ADSS1: variants seen among roughly 807,000 people sequenced by gnomAD.
ADSS1 encodes adenylosuccinate synthase 1.
A neutral mutation model predicts 59.1 loss-of-function variants in ADSS1; 57 were observed. That is an observed-to-expected ratio of 0.97 (90% confidence interval 0.78 to 1.20). The LOEUF is 1.20. Ranked by LOEUF, ADSS1 falls within the 50% of genes most tolerant of loss-of-function variation. ADSS1 has a pLI of 0.00. For synonymous variants in ADSS1, 247 were observed against 249.4 expected (o/e 0.99, Z 0.09); for missense variants, 603 against 610.3 (o/e 0.99, Z 0.13).
At position 104,738,450 on chromosome 14, in the gene ADSS1, C is replaced by T. The variant is rs1566799053; in HGVS notation, c.358+12C>T. Reference sequence around the variant, plus strand: ...GAATGAAAAGAAAGGTAGGTCCAAGCTCCTGCAGACTTGCCCTGTCCCAGA... The same window carrying T: ...GAATGAAAAGAAAGGTAGGTCCAAGTTCCTGCAGACTTGCCCTGTCCCAGA... On this transcript the variant is annotated intron_variant, in intron 3 of 12. Transcript: ENST00000330877. 3 of 1,613,184 alleles carry T rather than the reference C, an allele frequency of 1.9e-6. No homozygotes were observed. Among genetic ancestry groups the T allele is most frequent in the Non-Finnish European group, 2.5e-6 (3 of 1,179,630 alleles).
chr14:104,724,693 C>T (rs1298902964), intron 1 of ADSS1, among the ~76,000 whole-genome samples: 3 of 152,116 alleles, frequency 2.0e-5, no homozygotes, highest in Admixed American at 1.3e-4. Context: ...TCCACCACCC[C>T]GGCAGCGGGC....
chr14:104,739,966 C>A, intron 5 of ADSS1, 150 bp downstream of exon 5: 2 of 852,576 alleles, frequency 2.3e-6, no homozygotes, highest in Non-Finnish European at 3.7e-6. Flanking sequence ...AATTCCACAG[C>A]GCATCACCCA....
chr14:104,738,353 T>G (rs1292305364), intron 2 of ADSS1, 23 bp from the exon 3 acceptor site: 1 of 1,613,168 alleles, frequency 6.2e-7, no homozygotes, highest in South Asian at 1.1e-5. Flanking sequence ...ACTCTGTCTC[T>G]CATGCCTCTG....
Position 104,741,968 on chromosome 14 carries a change from T to C in ADSS1, c.914T>C (p.Val305Ala), listed in dbSNP as rs1364950072. 1 of 1,613,150 alleles carries C rather than the reference T, an allele frequency of 6.2e-7. No homozygotes were observed. Among genetic ancestry groups the C allele is most frequent in the South Asian group, 1.1e-5 (1 of 91,088 alleles). The change falls in exon 9 of 13, where the codon GTG becomes GCG. Residue 305 changes from valine to alanine, a missense_variant. By Grantham distance (64) the Val-to-Ala change is moderately conservative. Coordinates refer to ENST00000330877, the MANE Select transcript of ADSS1 (RefSeq NM_152328.5). ...YGVVKAYTTR[V>A]GIGAFPTEQI... ...GTGGTGAAAGCCTATACCACACGTGTGGGCATCGGGGCCTTCCCCACCGAG... is the reference window on the plus strand; with the variant it reads ...GTGGTGAAAGCCTATACCACACGTGCGGGCATCGGGGCCTTCCCCACCGAG...
At chr14:104,724,605 AC>A (rs1890667048) in intron 1 of ADSS1, 143 bp downstream of exon 1, 6 of 1,106,600 alleles carry the variant, frequency 5.4e-6, no homozygotes, top group Non-Finnish European at 4.6e-6. Context: ...TCCCAGGGCC[AC>A]CCCACCCACG....
chr14:104,733,608 G>T (rs1271582733), intron 1 of ADSS1, among the ~76,000 whole-genome samples: 1 of 152,186 alleles, frequency 6.6e-6, no homozygotes, highest in Non-Finnish European at 1.5e-5. Flanking sequence ...GGTGGGAGGG[G>T]AGCTGAGACC....
chr14:104,736,967 C>T (rs1891160215), intron 2 of ADSS1, among the ~76,000 whole-genome samples: 1 of 148,412 alleles, frequency 6.7e-6, no homozygotes, highest in Non-Finnish European at 1.5e-5. Context: ...GGCTGGCCTC[C>T]AACTCCTGGC....
intron 1 of ADSS1, chr14:104,730,280 G>T: frequency 7.1e-7 from 1 of 1,411,562 alleles, no homozygotes; most frequent in South Asian, 1.6e-5. Context: ...GATCACTTAG[G>T]GTCAGGAGTT....
intron 1 of ADSS1, among the ~76,000 whole-genome samples, chr14:104,729,461 G>C (rs535418693): frequency 3.9e-5 from 6 of 152,304 alleles, no homozygotes; most frequent in African/African-American, 9.6e-5. Flanking sequence ...CGCCTTGCAC[G>C]TGTCAGCAGC....
At chr14:104,730,065 C>T in intron 1 of ADSS1, 3 of 1,564,974 alleles carry the variant, frequency 1.9e-6, no homozygotes, top group Admixed American at 1.9e-5. Context: ...CAGCCCACCC[C>T]TCACCTTCCC....
chr14:104,735,273 CTGGTGCACAGAAA>C (rs1374921774), intron 2 of ADSS1, 151 bp downstream of exon 2: 1 of 715,270 alleles, frequency 1.4e-6, no homozygotes, highest in African/African-American at 1.8e-5. Flanking sequence ...CCACCAGGCA[CTGGTGCACAGAAA>C]CCTGCATAGC....
intron 1 of ADSS1, among the ~76,000 whole-genome samples, chr14:104,726,436 C>T (rs1890720077): frequency 6.6e-6 from 1 of 152,156 alleles, no homozygotes; most frequent in Non-Finnish European, 1.5e-5. Context: ...TCTTTGGGGC[C>T]CCAGCCCCAG....
At chr14:104,742,911 G>A (rs540014987) in intron 9 of ADSS1, among the ~76,000 whole-genome samples, 156 bp from the exon 10 acceptor site, 7 of 152,330 alleles carry the variant, frequency 4.6e-5, no homozygotes, top group African/African-American at 1.7e-4. Context: ...CCAGGGGTGT[G>A]GGGATGTCCG....
At chr14:104,735,210 G>A in intron 2 of ADSS1, 88 bp downstream of exon 2, 1 of 1,236,384 alleles carries the variant, frequency 8.1e-7, no homozygotes, top group Non-Finnish European at 1.1e-6. Context: ...CGGGGCACCA[G>A]AGCCTGGTGA....
chr14:104,726,758 A>C (rs901261520), intron 1 of ADSS1, among the ~76,000 whole-genome samples: 1 of 152,180 alleles, frequency 6.6e-6, no homozygotes, highest in African/African-American at 2.4e-5. Context: ...GCGAGGGCCG[A>C]GTGGTCCAGG....
chr14:104,739,862 C>T (rs756576069), intron 5 of ADSS1, 46 bp downstream of exon 5: 16 of 1,599,840 alleles, frequency 1.0e-5, no homozygotes, highest in African/African-American at 9.4e-5. Context: ...CTTCTGGGCC[C>T]GTAAGCCGGT....
Position 104,746,097 on chromosome 14 carries a change from G to A in ADSS1, c.1172-139G>A, listed in dbSNP as rs992846407. On this transcript the variant is annotated intron_variant, in intron 11 of 12. Coordinates refer to ENST00000330877, the MANE Select transcript of ADSS1 (RefSeq NM_152328.5). The stretch of plus-strand genomic sequence containing the variant: ...CACTGAGAAAATCAAACTGGGCCAC[G>A]TGCCCACTTGCTGCCTTCCTTGCAG... The A allele has an allele frequency of 3.2e-5, 36 of 1,119,536 alleles. No homozygotes were observed. In the Admixed American group the frequency reaches 3.9e-4, roughly 12 times the overall value. 69.4% of individuals were successfully genotyped at this position (1,119,536 alleles called of 1,614,324 possible).
intron 1 of ADSS1, among the ~76,000 whole-genome samples, chr14:104,733,933 A>G (rs1891023033): frequency 6.6e-6 from 1 of 152,112 alleles, no homozygotes; most frequent in Non-Finnish European, 1.5e-5. Flanking sequence ...GGGGCTGGAG[A>G]CCTGGCCTTC....
chr14:104,741,393 G>A lies in ADSS1; in HGVS notation c.793+150G>A, dbSNP rs1461629126. On this transcript the variant is annotated intron_variant, in intron 8 of 12. Coordinates refer to ENST00000330877, the MANE Select transcript of ADSS1 (RefSeq NM_152328.5). ...ATCCATGCCCGCGGAAATGATCCTC[G>A]TGTCCTTAGTGTTCCTATTGTCAGC... is the stretch of plus-strand genomic sequence containing the variant. The A allele has an allele frequency of 5.7e-6, 6 of 1,059,598 alleles. No individual in the cohort carries two copies. The African/African-American group carries it at 6.4e-5, about 11-fold the overall frequency. 65.6% of individuals were successfully genotyped at this position (1,059,598 alleles called of 1,614,324 possible).
Sources: allele counts gnomAD v4.1 joint callset (sites outside exome capture counted in the v4.1 genomes callset), GRCh38; gene constraint gnomAD v4.1.1; transcripts MANE v1.5; gene names NCBI Gene and HGNC (gene_info 2026-07-23, HGNC 2026-07-21).